LMO7: variants seen among roughly 807,000 people sequenced by gnomAD.
The protein encoded by LMO7 is LIM domain only protein 7.
LMO7 carries 120 observed loss-of-function variants against 206.5 expected under a neutral mutation model. That is an observed-to-expected ratio of 0.58 (90% CI 0.50 to 0.68). LMO7 has a LOEUF of 0.68. Among genes scored for constraint, LMO7 ranks in the 30% least tolerant of loss-of-function variants. LMO7 has a pLI of 0.00. For synonymous variants in LMO7, 706 were observed against 681.5 expected, an observed-to-expected ratio of 1.04 and a Z score of -0.56; for missense variants, 1,959 against 1,957.9, an observed-to-expected ratio of 1.00 and a Z score of -0.01.
intron 3 of LMO7, chr13:75,760,596 T>G (rs182885738): frequency 7.3e-7 from 1 of 1,367,382 alleles, no homozygotes; most frequent in East Asian, 2.6e-5. Context: ...AGAGGGCGTT[T>G]GTTTGCAGAG....
At chr13:75,844,284 A>G (rs2139340511) in intron 25 of LMO7, among the ~76,000 whole-genome samples, 1 of 151,974 alleles carries the variant, frequency 6.6e-6, no homozygotes, top group African/African-American at 2.4e-5. Flanking sequence ...ATGATACATT[A>G]TGTATTATAA....
intron 28 of LMO7, among the ~76,000 whole-genome samples, chr13:75,854,288 A>G (rs1399415980): frequency 6.6e-6 from 1 of 152,244 alleles, no homozygotes; most frequent in Non-Finnish European, 1.5e-5. Flanking sequence ...ATAAGAAAAC[A>G]TGTTTTATAT....
intron 4 of LMO7, among the ~76,000 whole-genome samples, chr13:75,776,415 G>A (rs543138377): frequency 3.3e-4 from 50 of 150,896 alleles, no homozygotes; most frequent in Non-Finnish European, 5.3e-4. Flanking sequence ...TGACAATCTC[G>A]TGTTTGATCC....
chr13:75,736,928 C>T (rs2045875750), intron 3 of LMO7, among the ~76,000 whole-genome samples: 1 of 152,080 alleles, frequency 6.6e-6, no homozygotes, highest in African/African-American at 2.4e-5. Flanking sequence ...AATGAATGAA[C>T]AAGATTTCCA....
At chr13:75,796,428 G>A (rs598500) in intron 5 of LMO7, among the ~76,000 whole-genome samples, 92,137 of 152,028 alleles carry the variant, frequency 0.61, 28,999 homozygotes, top group East Asian at 0.92. Context: ...CTTTTGGTCT[G>A]AGAACTTGCT....
chr13:75,684,267 C>T (rs1357236227), intron 1 of LMO7, among the ~76,000 whole-genome samples: 1 of 152,164 alleles, frequency 6.6e-6, no homozygotes, highest in Non-Finnish European at 1.5e-5. Context: ...CAGTTTCGCT[C>T]TTGTCTCCCA....
intron 1 of LMO7, among the ~76,000 whole-genome samples, 161 bp from the exon 2 acceptor site, chr13:75,713,021 C>G (rs1319331232): frequency 6.6e-6 from 1 of 152,106 alleles, no homozygotes; most frequent in African/African-American, 2.4e-5. Context: ...ATAAAACAGA[C>G]AGTACATATT....
Position 75,818,208 on chromosome 13 carries a change from G to A in LMO7, c.2064+930G>A, listed in dbSNP as rs147250682. ...TTTCTGGTGTGAAAGTAAGTATTAC[G>A]GGCTTATCTATTAGGTTAAATCAGA... is the stretch of plus-strand genomic sequence containing the variant. On this transcript the variant is annotated intron_variant, in intron 12 of 30. Transcript: ENST00000377534. Among the ~76,000 whole-genome samples the A allele has an allele frequency of 4.4e-3, 663 of 152,184 alleles. 8 individuals carry two copies. Among genetic ancestry groups the A allele is most frequent in the African/African-American group, 0.015 (618 of 41,496 alleles).
At chr13:75,666,692 G>T (rs2039097809) in intron 1 of LMO7, among the ~76,000 whole-genome samples, 1 of 152,164 alleles carries the variant, frequency 6.6e-6, no homozygotes, top group African/African-American at 2.4e-5. Flanking sequence ...TTAAAAATAT[G>T]AAAAGACCCT....
Position 75,737,777 on chromosome 13 carries a change from T to A in LMO7, c.210+10679T>A, listed in dbSNP as rs144661720. Among the ~76,000 whole-genome samples the A allele has an allele frequency of 7.1e-3, 161 of 22,592 alleles. 1 individual carries two copies. Among genetic ancestry groups the A allele is most frequent in the Middle Eastern group, 0.045 (1 of 22 alleles). The allele number at this position is 22,592 out of a possible 152,430, so 14.8% of individuals were successfully genotyped here. ...CAAAAAAAAAAAAAATAAAATAAAA[T>A]AAAATAAAAAAAAAAAAAAAAAAAC... On this transcript the variant is annotated intron_variant, in intron 3 of 30. Transcript: ENST00000377534.
Position 75,686,349 on chromosome 13 carries a change from A to G in LMO7, c.70-26833A>G, listed in dbSNP as rs9645959. 6.3e-3 allele frequency among the ~76,000 whole-genome samples: 955 copies of G among 152,244 alleles called. 9 individuals are homozygous for G. The highest frequency in any genetic ancestry group is 0.012 in the Non-Finnish European group (790 of 68,028). On this transcript the variant is annotated intron_variant, in intron 1 of 30. Coordinates refer to ENST00000377534, the MANE Select transcript of LMO7 (RefSeq NM_001306080.2). Reference sequence around the variant, plus strand: ...GGGAACTCCTCTTTATAAAATGATCAGATCTCGTGAGACTTAATCATCATC... The same window carrying G: ...GGGAACTCCTCTTTATAAAATGATCGGATCTCGTGAGACTTAATCATCATC...
At chr13:75,686,699 C>T (rs150875633) in intron 1 of LMO7, among the ~76,000 whole-genome samples, 1 of 152,160 alleles carries the variant, frequency 6.6e-6, no homozygotes, top group African/African-American at 2.4e-5. Context: ...GCTGGAGAAA[C>T]ATTGAGGAGA....
Position 75,804,283 on chromosome 13 carries a change from T to C in LMO7, c.662-6T>C, listed in dbSNP as rs2055158755. On this transcript the variant is annotated splice_polypyrimidine_tract_variant and splice_region_variant and intron_variant, in intron 7 of 30. Coordinates refer to ENST00000377534, the MANE Select transcript of LMO7 (RefSeq NM_001306080.2). ...AGTAAAGCAAATTCTTGTGCCTTCT[T>C]TATAGGTTTTGAAAGTGACACAGAT... The C allele has an allele frequency of 1.2e-6, 2 of 1,609,668 alleles. No homozygotes were observed. Among genetic ancestry groups the C allele is most frequent in the African/African-American group, 1.3e-5 (1 of 74,806 alleles).
chr13:75,690,614 A>C (rs2041385333), intron 1 of LMO7, among the ~76,000 whole-genome samples: 1 of 152,204 alleles, frequency 6.6e-6, no homozygotes, highest in African/African-American at 2.4e-5. Flanking sequence ...GGTCTCTGGT[A>C]AGACTACTCA....
chr13:75,632,864 T>TTTTTG, upstream of LMO7, among the ~76,000 whole-genome samples: 1 of 135,260 alleles, frequency 7.4e-6, no homozygotes, highest in African/African-American at 2.8e-5. Context: ...ACTTAAAAGT[T>TTTTTG]TTTTTTTTTT....
At chr13:75,637,399 A>T (rs1365775780) in intron 1 of LMO7, among the ~76,000 whole-genome samples, 1 of 152,190 alleles carries the variant, frequency 6.6e-6, no homozygotes, top group Non-Finnish European at 1.5e-5. Context: ...AAGATCTTCC[A>T]TTCCCTTCTT....
At chr13:75,772,674 G>A (rs1001855933) in intron 4 of LMO7, among the ~76,000 whole-genome samples, 1 of 151,996 alleles carries the variant, frequency 6.6e-6, no homozygotes, top group Non-Finnish European at 1.5e-5. Context: ...ACTAAATGAA[G>A]GAATTCTTTT....
At chr13:75,742,619 AG>A (rs201231464) in intron 3 of LMO7, among the ~76,000 whole-genome samples, 2,401 of 152,268 alleles carry the variant, frequency 0.016, 54 homozygotes, top group African/African-American at 0.047. Flanking sequence ...ACAAACAATG[AG>A]GAAAGGACTC....
chr13:75,717,337 T>G (rs1425244743), intron 2 of LMO7, among the ~76,000 whole-genome samples: 10 of 134,552 alleles, frequency 7.4e-5, no homozygotes, highest in Non-Finnish European at 1.4e-4. Context: ...CACTCCAGCC[T>G]GGGCAACAGA....
Sources: gnomAD v4.1 joint callset for allele counts (sites outside exome capture counted in the v4.1 genomes callset) on GRCh38, gnomAD v4.1.1 for gene constraint, MANE v1.5 for transcripts, NCBI Gene and HGNC (gene_info 2026-07-23, HGNC 2026-07-21) for gene names.